The following EFCAB3 variants were observed in gnomAD, a reference collection of about 807,000 sequenced individuals.
EFCAB3 encodes the protein EF-hand calcium-binding domain-containing protein 3.
EFCAB3 carries 36 observed loss-of-function variants against 42.2 expected under a neutral mutation model. That is an observed-to-expected ratio of 0.85 (90% confidence interval 0.65 to 1.13). EFCAB3 has a LOEUF of 1.13. Among genes scored for constraint, EFCAB3 ranks in the 50% most tolerant of loss-of-function variants. The probability of loss-of-function intolerance (pLI) is 0.00; values close to 1 mark genes in which losing one functional copy is unlikely to be tolerated. For synonymous variants in EFCAB3, 170 were observed against 172.8 expected (o/e 0.98, Z 0.13); for missense variants, 418 against 505.1 (o/e 0.83, Z 1.65).
rs567887800 is a variant in EFCAB3, at chr17:62,415,412, G to T, written c.991-591G>T. On this transcript the variant is annotated intron_variant, in intron 9 of 9. Transcript: ENST00000305286. ...TTCACTGAGGAATAGGCTTTTGCTA[G>T]CCTCACAGAGATTACTGACTTATAA... is the stretch of plus-strand genomic sequence containing the variant. Among the ~76,000 whole-genome samples, 57 of 152,302 alleles carry T rather than the reference G, an allele frequency of 3.7e-4. No homozygotes were observed. In the Middle Eastern group the frequency reaches 0.01, roughly 27 times the overall value.
At chr17:62,408,445 G>T (rs1459085226) in intron 8 of EFCAB3, among the ~76,000 whole-genome samples, 1 of 152,084 alleles carries the variant, frequency 6.6e-6, no homozygotes, top group African/African-American at 2.4e-5. Flanking sequence ...CCCTCCAATG[G>T]CTTTTCATAT....
chr17:62,381,488 T>C (rs963196509), intron 1 of EFCAB3, among the ~76,000 whole-genome samples: 2 of 152,106 alleles, frequency 1.3e-5, no homozygotes, highest in East Asian at 1.9e-4. Flanking sequence ...TCTCAAACTA[T>C]GCCAAGTGGA....
intron 8 of EFCAB3, among the ~76,000 whole-genome samples, chr17:62,407,588 C>T (rs1476199729): frequency 6.6e-6 from 1 of 152,174 alleles, no homozygotes; most frequent in Non-Finnish European, 1.5e-5. Flanking sequence ...AGGCCCGCAA[C>T]CCAAAGGGGC....
intron 6 of EFCAB3, among the ~76,000 whole-genome samples, chr17:62,401,242 T>C (rs1451863003): frequency 2.6e-5 from 4 of 152,220 alleles, no homozygotes; most frequent in African/African-American, 9.6e-5. Context: ...GTAGGTTGCC[T>C]GTTCACTCTG....
chr17:62,413,174 A>C (rs547227825), intron 8 of EFCAB3, among the ~76,000 whole-genome samples: 4 of 152,334 alleles, frequency 2.6e-5, no homozygotes, highest in African/African-American at 9.6e-5. Context: ...ATGGCCAAAA[A>C]AAATCACAGT....
intron 3 of EFCAB3, 60 bp from the exon 4 acceptor site, chr17:62,391,762 A>C: frequency 1.3e-6 from 2 of 1,563,406 alleles, no homozygotes; most frequent in South Asian, 2.3e-5. Context: ...TCCTAGTCCT[A>C]TTAGTGTATG....
intron 2 of EFCAB3, among the ~76,000 whole-genome samples, chr17:62,374,694 A>G (rs947161826): frequency 9.2e-5 from 14 of 152,172 alleles, no homozygotes; most frequent in Non-Finnish European, 1.8e-4. Flanking sequence ...CTCTTCCCAC[A>G]CACGTACAAC....
chr17:62,375,496 G>A (rs1275756414), intron 2 of EFCAB3, among the ~76,000 whole-genome samples: 2 of 152,162 alleles, frequency 1.3e-5, no homozygotes, highest in Non-Finnish European at 2.9e-5. Context: ...GTTTAGCAAT[G>A]ACCAAAAGAT....
intron 2 of EFCAB3, among the ~76,000 whole-genome samples, chr17:62,386,014 A>G (rs946460972): frequency 4.4e-4 from 67 of 151,960 alleles, no homozygotes; most frequent in African/African-American, 1.6e-3. Flanking sequence ...GGCATGAGCC[A>G]CCGCACCCGG....
At chr17:62,402,851 T>A (rs561914066) in intron 6 of EFCAB3, among the ~76,000 whole-genome samples, 2 of 152,332 alleles carry the variant, frequency 1.3e-5, no homozygotes, top group Non-Finnish European at 2.9e-5. Context: ...ATTGGAATAG[T>A]TTCAGAAGAA....
chr17:62,407,142 T>C lies in EFCAB3; in HGVS notation c.797T>C (p.Met266Thr). 1 of 1,612,908 alleles carries C rather than the reference T, an allele frequency of 6.2e-7. No homozygotes were observed. Among genetic ancestry groups the C allele is most frequent in the Non-Finnish European group, 8.5e-7 (1 of 1,179,552 alleles). Residue 266 changes from methionine to threonine, a missense_variant, in exon 8 of 10, where the codon ATG becomes ACG. Transcript: ENST00000305286. The part of the protein sequence containing the change: ...KPFKDMQKLE[M>T]LRIKEPLHFF... ...TTCAAAGACATGCAGAAATTAGAGA[T>C]GCTAAGAATAAAGGAGCCTTTGCAT...
At chr17:62,396,636 T>TAATC (rs1031414088) in intron 6 of EFCAB3, among the ~76,000 whole-genome samples, 48 of 152,090 alleles carry the variant, frequency 3.2e-4, no homozygotes, top group African/African-American at 1.2e-3. Context: ...ATCGCACCTG[T>TAATC]AATCTCAGCT....
At chr17:62,398,216 G>A (rs183861246) in intron 6 of EFCAB3, 2 of 175,422 alleles carry the variant, frequency 1.1e-5, no homozygotes, top group African/African-American at 2.4e-5. Context: ...CACTTTGGGA[G>A]GCCAAGGCAG....
intron 9 of EFCAB3, among the ~76,000 whole-genome samples, chr17:62,414,658 AG>A (rs2070529559): frequency 6.6e-6 from 1 of 151,986 alleles, no homozygotes; most frequent in African/African-American, 2.4e-5. Context: ...GTACATGTGC[AG>A]GTTTGTTATG....
intron 6 of EFCAB3, among the ~76,000 whole-genome samples, chr17:62,395,588 C>T (rs899065467): frequency 6.6e-6 from 1 of 152,166 alleles, no homozygotes; most frequent in Non-Finnish European, 1.5e-5. Context: ...TCTCAAAAAT[C>T]TCTGACTCAG....
intron 3 of EFCAB3, among the ~76,000 whole-genome samples, chr17:62,390,223 A>G (rs1353374021): frequency 6.6e-6 from 1 of 152,182 alleles, no homozygotes; most frequent in African/African-American, 2.4e-5. Context: ...GATATAATAG[A>G]AAATGAAAAA....
chr17:62,381,776 C>T (rs904243558), intron 1 of EFCAB3: 4 of 410,182 alleles, frequency 9.8e-6, no homozygotes, highest in Admixed American at 5.2e-5. Context: ...AGGCGGACGA[C>T]GACCGGCTCA....
chr17:62,401,183 T>A (rs1321298800), intron 6 of EFCAB3, among the ~76,000 whole-genome samples: 1 of 152,228 alleles, frequency 6.6e-6, no homozygotes, highest in Non-Finnish European at 1.5e-5. Context: ...AGATTCTGAA[T>A]ATTAGCCCTT....
At chr17:62,407,304 T>C in intron 8 of EFCAB3, 92 bp downstream of exon 8, 1 of 1,161,970 alleles carries the variant, frequency 8.6e-7, no homozygotes, top group Non-Finnish European at 1.2e-6. Flanking sequence ...CAACAAATAG[T>C]TTTAGTCATT....
Sources: allele counts gnomAD v4.1 joint callset (sites outside exome capture counted in the v4.1 genomes callset), GRCh38; gene constraint gnomAD v4.1.1; transcripts MANE v1.5; gene names NCBI Gene and HGNC (gene_info 2026-07-23, HGNC 2026-07-21).